The following HDX variants were observed in gnomAD, a reference collection of about 807,000 sequenced individuals.
The protein encoded by HDX is highly divergent homeobox, also known as chromosome X open reading frame 43.
A neutral mutation model predicts 45.2 loss-of-function variants in HDX; 19 were observed. The ratio of observed to expected loss-of-function variants is 0.42; its 90% CI spans 0.29 to 0.62. HDX has a LOEUF of 0.62. Among genes scored for constraint, HDX ranks in the 20% least tolerant of loss-of-function variants. The pLI, the probability that HDX is intolerant of heterozygous loss-of-function variation, is 0.20. For missense variants in HDX, 532 were observed against 493.9 expected (o/e 1.08, Z -0.73); for synonymous variants, 188 against 172.8 (o/e 1.09, Z -0.69).
chrX:84,346,077 T>C (rs1347724461), intron 6 of HDX, among the ~76,000 whole-genome samples: 3 of 111,338 alleles, frequency 2.7e-5, no homozygotes, highest in African/African-American at 9.8e-5. Context: ...TTTTATCCTA[T>C]TAGTCTTTTG....
intron 4 of HDX, among the ~76,000 whole-genome samples, chrX:84,463,606 AT>A (rs985605734): frequency 9.0e-6 from 1 of 111,415 alleles, no homozygotes; most frequent in African/African-American, 3.3e-5. Flanking sequence ...GAAATGATAA[AT>A]GTTGTATTTA....
At chrX:84,476,822 CATCT>C (rs2040566835) in intron 2 of HDX, among the ~76,000 whole-genome samples, 1 of 111,628 alleles carries the variant, frequency 9.0e-6, no homozygotes, top group Non-Finnish European at 1.9e-5. Context: ...TCCGCACAAG[CATCT>C]ATCTCATCTA....
chrX:84,355,596 A>T (rs1327898043), intron 6 of HDX, among the ~76,000 whole-genome samples: 1 of 110,311 alleles, frequency 9.1e-6, no homozygotes, highest in Non-Finnish European at 1.9e-5. Flanking sequence ...ATTCTCAGCA[A>T]ACTATCGCAG....
chrX:84,443,115 CA>C (rs2148067092), intron 4 of HDX, among the ~76,000 whole-genome samples: 1 of 111,632 alleles, frequency 9.0e-6, no homozygotes, highest in Non-Finnish European at 1.9e-5. Context: ...ACATGATACT[CA>C]AATGTTATAT....
chrX:84,366,546 C>T lies in HDX; in HGVS notation c.1306-4934G>A, dbSNP rs1313328714. 2.7e-5 allele frequency among the ~76,000 whole-genome samples: 3 copies of T among 111,564 alleles called. No homozygotes were observed. The East Asian group carries it at 8.5e-4, about 31-fold the overall frequency. ...CCAAGACAATCCTAAGCAAAAAGAA[C>T]AAAACTGGGGGCATCACGCTACCTG... On this transcript the variant is annotated intron_variant, in intron 5 of 10. Coordinates refer to ENST00000373177, the MANE Select transcript of HDX (RefSeq NM_001177479.2).
In HDX at chrX:84,442,613, A is replaced by G. The variant is rs778209305; in HGVS notation, c.1252-2028T>C. ...GAAATTTATTCTCAAAAATTATTCA[A>G]AATGTATTTTTTCTTTTTATCCCAC... On this transcript the variant is annotated intron_variant, in intron 4 of 10. Transcript: ENST00000373177. Among the ~76,000 whole-genome samples the G allele has an allele frequency of 3.0e-3, 338 of 111,282 alleles. 1 individual carries two copies. The highest frequency in any genetic ancestry group is 0.01 in the African/African-American group (323 of 30,780).
intron 6 of HDX, among the ~76,000 whole-genome samples, chrX:84,357,508 C>A (rs185078372): frequency 9.0e-6 from 1 of 111,652 alleles, no homozygotes; most frequent in Non-Finnish European, 1.9e-5. Context: ...AAAGCATTTA[C>A]ATAGTCATAA....
At chrX:84,489,522 G>A in intron 1 of HDX, among the ~76,000 whole-genome samples, 2 of 111,948 alleles carry the variant, frequency 1.8e-5, no homozygotes, top group Middle Eastern at 9.2e-3. Context: ...TCCCAGGTCA[G>A]TCTGTCAATT....
Position 84,332,334 on chromosome X carries a change from T to C in HDX, c.1824+1425A>G, listed in dbSNP as rs182212116. On this transcript the variant is annotated intron_variant, in intron 9 of 10. Transcript: ENST00000373177. ...CATATTTAAAAAATCCCTAATGGGGTAGTGAATGACCCCTTTGTTTCCACA... is the reference window on the plus strand; with the variant it reads ...CATATTTAAAAAATCCCTAATGGGGCAGTGAATGACCCCTTTGTTTCCACA... Among the ~76,000 whole-genome samples the C allele has an allele frequency of 1.6e-3, 178 of 111,489 alleles. 1 individual carries two copies. Among genetic ancestry groups the C allele is most frequent in the African/African-American group, 5.4e-3 (167 of 30,774 alleles).
intron 5 of HDX, among the ~76,000 whole-genome samples, chrX:84,401,240 A>G (rs1394809755): frequency 8.9e-6 from 1 of 112,251 alleles, no homozygotes; most frequent in Admixed American, 9.5e-5. Context: ...GCACAGCAAA[A>G]TAAGTTATCA....
chrX:84,390,092 G>T (rs2147929007), intron 5 of HDX, among the ~76,000 whole-genome samples: 1 of 110,050 alleles, frequency 9.1e-6, no homozygotes, highest in East Asian at 2.9e-4. Flanking sequence ...TCTCTCCAAA[G>T]ATCTTCCCAC....
chrX:84,375,017 G>C (rs1457879796), intron 5 of HDX, among the ~76,000 whole-genome samples: 1 of 104,750 alleles, frequency 9.5e-6, no homozygotes, highest in African/African-American at 3.5e-5. Context: ...CTAATATCCA[G>C]AATCTACAAT....
chrX:84,385,658 A>G (rs2038301040), intron 5 of HDX, among the ~76,000 whole-genome samples: 1 of 110,213 alleles, frequency 9.1e-6, no homozygotes, highest in Non-Finnish European at 1.9e-5. Flanking sequence ...CTCAGTCTGC[A>G]TGTTATTGGT....
chrX:84,475,223 A>C (rs1418266396), intron 3 of HDX, 28 bp downstream of exon 3: 3 of 1,155,205 alleles, frequency 2.6e-6, no homozygotes, highest in Non-Finnish European at 2.3e-6. Flanking sequence ...AGAAGCTTTA[A>C]ATTTGAGTGT....
intron 5 of HDX, chrX:84,439,942 T>G (rs1297068512): frequency 9.0e-6 from 1 of 111,692 alleles, no homozygotes; most frequent in Non-Finnish European, 1.9e-5. Context: ...TTTTCCTATA[T>G]AGGGACCAGT....
intron 5 of HDX, among the ~76,000 whole-genome samples, chrX:84,377,817 A>G (rs748569868): frequency 1.8e-5 from 2 of 111,699 alleles, no homozygotes; most frequent in Non-Finnish European, 3.8e-5. Context: ...GTAGATAAAG[A>G]CATAGAGATA....
intron 6 of HDX, among the ~76,000 whole-genome samples, chrX:84,356,805 G>C (rs1162032611): frequency 9.1e-6 from 1 of 109,734 alleles, no homozygotes; most frequent in Non-Finnish European, 1.9e-5. Context: ...TGTATTTTTA[G>C]TAGAGACGGG....
chrX:84,364,491 CTTTTTTTTTTTTTT>C (rs1169466223), intron 5 of HDX, among the ~76,000 whole-genome samples: 2 of 48,238 alleles, frequency 4.1e-5, no homozygotes, highest in Middle Eastern at 0.015. Context: ...AGTTATTCAC[CTTTTTTTTTTTTTT>C]TTTTTTTTTT....
Position 84,319,460 on chromosome X carries a change from T to C in HDX, c.*2429A>G, listed in dbSNP as rs2147735625. 8.9e-6 allele frequency: 1 copy of C among 111,848 alleles called. No homozygotes were observed. Among genetic ancestry groups the C allele is most frequent in the Admixed American group, 9.5e-5 (1 of 10,569 alleles). 9.2% of individuals were successfully genotyped at this position (111,848 alleles called of 1,213,427 possible). A position where few individuals can be genotyped will look rare whatever the true frequency, so the allele number is the denominator to read the frequency against. On this transcript the variant is annotated 3_prime_UTR_variant, in exon 11 of 11. Transcript: ENST00000373177. Reference sequence around the variant, plus strand: ...ATTTCAATCTGGCAATTATGATTCTTTTTCTATAGATAGAGGTATTTCCTT... The same window carrying C: ...ATTTCAATCTGGCAATTATGATTCTCTTTCTATAGATAGAGGTATTTCCTT...
Sources: allele counts gnomAD v4.1 joint callset (sites outside exome capture counted in the v4.1 genomes callset), GRCh38; gene constraint gnomAD v4.1.1; transcripts MANE v1.5; gene names NCBI Gene and HGNC (gene_info 2026-07-23, HGNC 2026-07-21).